Variants in FYB1 observed in about 807,000 individuals in gnomAD.
FYB1 encodes FYN-binding protein 1.
FYB1 carries 41 observed loss-of-function variants against 94.1 expected under a neutral mutation model. The ratio of observed to expected loss-of-function variants is 0.44; its 90% confidence interval spans 0.34 to 0.57. The LOEUF is 0.57. FYB1 is among the 20% of genes least tolerant of loss of function. The pLI is 0.02. For missense variants in FYB1, 1,050 were observed against 976.8 expected (o/e 1.07, Z -1.00); for synonymous variants, 367 against 353.2 (o/e 1.04, Z -0.44).
intron 14 of FYB1, among the ~76,000 whole-genome samples, chr5:39,120,207 CT>C (rs1561132918): frequency 6.6e-6 from 1 of 151,096 alleles, no homozygotes; most frequent in Non-Finnish European, 1.5e-5. Context: ...TGATCTTTAT[CT>C]TCATCCCTTT....
chr5:39,246,651 G>A (rs1751489078), intron 1 of FYB1, among the ~76,000 whole-genome samples: 1 of 152,158 alleles, frequency 6.6e-6, no homozygotes, highest in Non-Finnish European at 1.5e-5. Flanking sequence ...TAGTGGAAGA[G>A]TGAAAATTAA....
At chr5:39,241,409 A>T (rs1440751954) in intron 1 of FYB1, among the ~76,000 whole-genome samples, 2 of 152,228 alleles carry the variant, frequency 1.3e-5, no homozygotes, top group East Asian at 1.9e-4. Flanking sequence ...AGGGGGACAT[A>T]AGCTTCAGTT....
chr5:39,212,185 G>A (rs898375714), intron 1 of FYB1, among the ~76,000 whole-genome samples: 3 of 152,146 alleles, frequency 2.0e-5, no homozygotes, highest in Non-Finnish European at 4.4e-5. Flanking sequence ...GTGAGTGCCT[G>A]TAGTCCTAGC....
At position 39,107,427 on chromosome 5, in the gene FYB1, T is replaced by A. The variant is rs1279166657; in HGVS notation, c.*16A>T. On this transcript the variant is annotated 3_prime_UTR_variant, in exon 19 of 19. Transcript: ENST00000512982. ...TTGGCACCTAATGAACACAGCAGAA[T>A]GACCAAAGTTGAGTGCTAGTCATTG... 1.3e-6 allele frequency: 2 copies of A among 1,526,568 alleles called. No homozygotes were observed. 94.6% of individuals were successfully genotyped at this position (1,526,568 alleles called of 1,614,324 possible). A position where few individuals can be genotyped will look rare whatever the true frequency, so the allele number is the denominator to read the frequency against.
At chr5:39,169,615 C>T (rs1745063788) in intron 2 of FYB1, 3 of 449,588 alleles carry the variant, frequency 6.7e-6, no homozygotes, top group South Asian at 1.7e-5. Context: ...GAGGCCGAGG[C>T]GGGTGGATTA....
chr5:39,231,941 T>A (rs940679005), intron 1 of FYB1, among the ~76,000 whole-genome samples: 8 of 152,014 alleles, frequency 5.3e-5, no homozygotes, highest in African/African-American at 1.9e-4. Flanking sequence ...CATTTTTACA[T>A]AGTGAAGAGA....
At chr5:39,156,128 G>T (rs1378864334) in intron 2 of FYB1, among the ~76,000 whole-genome samples, 2 of 152,094 alleles carry the variant, frequency 1.3e-5, no homozygotes, top group Non-Finnish European at 2.9e-5. Context: ...ACTTAAGGCC[G>T]ACAAGTGAGA....
chr5:39,132,089 T>C (rs1346466409), intron 9 of FYB1, among the ~76,000 whole-genome samples: 2 of 152,156 alleles, frequency 1.3e-5, no homozygotes, highest in African/African-American at 4.8e-5. Context: ...GATACTGCTT[T>C]AGTGGAGAAG....
chr5:39,240,562 A>G (rs1462322337), intron 1 of FYB1, among the ~76,000 whole-genome samples: 4 of 152,240 alleles, frequency 2.6e-5, no homozygotes, highest in Non-Finnish European at 4.4e-5. Context: ...AACAAAGCAT[A>G]TGAAAAAATG....
chr5:39,181,980 C>T (rs1313637534), intron 2 of FYB1, among the ~76,000 whole-genome samples: 1 of 152,146 alleles, frequency 6.6e-6, no homozygotes, highest in Non-Finnish European at 1.5e-5. Flanking sequence ...TACAGCACAT[C>T]TCTAGAACTT....
intron 1 of FYB1, among the ~76,000 whole-genome samples, chr5:39,243,649 TTA>T (rs898034069): frequency 1.3e-5 from 2 of 152,162 alleles, no homozygotes; most frequent in Non-Finnish European, 2.9e-5. Flanking sequence ...CATATGAACT[TTA>T]AAGTAGTTTT....
chr5:39,197,511 C>T (rs1283473347), intron 2 of FYB1, among the ~76,000 whole-genome samples: 1 of 152,184 alleles, frequency 6.6e-6, no homozygotes, highest in East Asian at 1.9e-4. Flanking sequence ...CTGGAAGTTG[C>T]CAATCTAAGC....
chr5:39,177,811 C>T (rs1234360515), intron 2 of FYB1, among the ~76,000 whole-genome samples: 1 of 152,162 alleles, frequency 6.6e-6, no homozygotes, highest in Non-Finnish European at 1.5e-5. Context: ...CTTTGAACAA[C>T]AAAGTTGCTG....
intron 1 of FYB1, among the ~76,000 whole-genome samples, chr5:39,235,351 A>T (rs1750914232): frequency 6.6e-6 from 1 of 151,628 alleles, no homozygotes; most frequent in South Asian, 2.1e-4. Flanking sequence ...TGACATTTTT[A>T]CCCTTTGGGC....
intron 2 of FYB1, among the ~76,000 whole-genome samples, chr5:39,156,334 G>T (rs950507777): frequency 6.6e-6 from 1 of 152,158 alleles, no homozygotes; most frequent in Non-Finnish European, 1.5e-5. Context: ...GGGTGTGCTT[G>T]CTCTTCTACC....
intron 4 of FYB1, among the ~76,000 whole-genome samples, chr5:39,140,866 G>A (rs901000284): frequency 2.0e-5 from 3 of 152,192 alleles, no homozygotes; most frequent in African/African-American, 7.2e-5. Context: ...TGAAGAATTT[G>A]TGCAAACACA....
At chr5:39,244,276 G>T (rs565068242) in intron 1 of FYB1, among the ~76,000 whole-genome samples, 1 of 152,174 alleles carries the variant, frequency 6.6e-6, no homozygotes, top group African/African-American at 2.4e-5. Context: ...TTGGCTGTGG[G>T]TTTGTCATAA....
chr5:39,135,808 T>A (rs1435256582), intron 7 of FYB1, among the ~76,000 whole-genome samples: 1 of 152,126 alleles, frequency 6.6e-6, no homozygotes, highest in Non-Finnish European at 1.5e-5. Flanking sequence ...CTGATGAGGC[T>A]CAGTTCTCAT....
At chr5:39,251,102 A>G (rs1042794764) in intron 1 of FYB1, among the ~76,000 whole-genome samples, 16 of 152,328 alleles carry the variant, frequency 1.1e-4, no homozygotes, top group Non-Finnish European at 8.8e-5. Flanking sequence ...GGGTGAATGT[A>G]TCTCACTCAA....
Sources: allele counts gnomAD v4.1 joint callset (sites outside exome capture counted in the v4.1 genomes callset), GRCh38; gene constraint gnomAD v4.1.1; transcripts MANE v1.5; gene names NCBI Gene and HGNC (gene_info 2026-07-23, HGNC 2026-07-21).